The following ROBO1 variants were observed in gnomAD, a reference collection of about 807,000 sequenced individuals.
ROBO1 encodes the protein roundabout guidance receptor 1, also known as roundabout homolog 1.
In ROBO1, 149 loss-of-function variants were observed where a neutral mutation model predicts 195.9. The ratio of observed to expected loss-of-function variants is 0.76; its 90% CI spans 0.67 to 0.87. ROBO1 has a LOEUF of 0.87. ROBO1 is among the 40% of genes least tolerant of loss of function. The pLI is 0.00. For synonymous variants in ROBO1, 816 were observed against 733.2 expected (o/e 1.11, Z -1.82); for missense variants, 1,933 against 2,068.3 (o/e 0.93, Z 1.27).
chr3:79,407,830 C>T (rs1368976960), intron 2 of ROBO1, among the ~76,000 whole-genome samples: 1 of 151,694 alleles, frequency 6.6e-6, no homozygotes, highest in Non-Finnish European at 1.5e-5. Flanking sequence ...TTTTACAGAC[C>T]AAAATAAAAT....
chr3:78,922,849 C>G (rs1443616731), intron 4 of ROBO1, among the ~76,000 whole-genome samples: 1 of 152,050 alleles, frequency 6.6e-6, no homozygotes, highest in African/African-American at 2.4e-5. Flanking sequence ...CCACCCGCCT[C>G]TGCCTCCCAA....
intron 2 of ROBO1, among the ~76,000 whole-genome samples, chr3:79,406,296 T>C (rs1479770772): frequency 6.6e-6 from 1 of 150,652 alleles, no homozygotes; most frequent in Non-Finnish European, 1.5e-5. Context: ...GGCATGATGG[T>C]ACATGTCCGT....
intron 2 of ROBO1, among the ~76,000 whole-genome samples, chr3:79,308,568 A>G (rs2033333252): frequency 6.6e-6 from 1 of 152,158 alleles, no homozygotes; most frequent in Admixed American, 6.6e-5. Flanking sequence ...TATATTACTC[A>G]TGGAGAGAAA....
intron 2 of ROBO1, among the ~76,000 whole-genome samples, chr3:79,501,464 A>G (rs1940065978): frequency 6.6e-6 from 1 of 152,142 alleles, no homozygotes; most frequent in South Asian, 2.1e-4. Context: ...ATGACTACTA[A>G]AGCTAGTAAT....
rs140843632 is a variant in ROBO1 at position 79,649,754 on chromosome 3, A to G, written c.-50-59793T>C. ...ATGAGTCTGACTAGACTAGGCGGGA[A>G]TAATCTACCCTTAATGAACATGGGC... On this transcript the variant is annotated intron_variant, in intron 1 of 30. Transcript: ENST00000464233. 2.9e-4 allele frequency among the ~76,000 whole-genome samples: 44 copies of G among 152,176 alleles called. 1 individual carries two copies. The East Asian group carries it at 8.5e-3, about 30-fold the overall frequency.
chr3:79,600,352 G>T (rs1477361759), intron 1 of ROBO1, among the ~76,000 whole-genome samples: 1 of 151,958 alleles, frequency 6.6e-6, no homozygotes, highest in Non-Finnish European at 1.5e-5. Context: ...ACATTGGTTT[G>T]GTCGAAGAGA....
intron 5 of ROBO1, among the ~76,000 whole-genome samples, chr3:78,741,601 A>C (rs1376127321): frequency 7.2e-5 from 11 of 152,152 alleles, no homozygotes. Context: ...TTGAACTTAA[A>C]TGCAATATTT....
intron 1 of ROBO1, among the ~76,000 whole-genome samples, chr3:79,752,863 G>A (rs546601037): frequency 1.3e-5 from 2 of 152,064 alleles, no homozygotes; most frequent in South Asian, 4.2e-4. Flanking sequence ...TAAAAATGAG[G>A]GATCATCAAC....
chr3:79,577,738 ACACACACACACACACACACAC>A (rs1278380409), intron 2 of ROBO1, among the ~76,000 whole-genome samples: 34 of 117,182 alleles, frequency 2.9e-4, no homozygotes, highest in South Asian at 2.2e-3. Context: ...ACACACACAC[ACACACACACACACACACACAC>A]AAAATTGCTG....
At chr3:79,283,202 G>GTAC (rs1197326412) in intron 2 of ROBO1, among the ~76,000 whole-genome samples, 10 of 152,154 alleles carry the variant, frequency 6.6e-5, no homozygotes, top group Non-Finnish European at 1.5e-4. Context: ...GGGACACTAA[G>GTAC]TACTGAGTAC....
At position 79,297,718 on chromosome 3, in the gene ROBO1, G is replaced by A. The variant is rs1469911876; in HGVS notation, c.89-172179C>T. Among the ~76,000 whole-genome samples, 5 of 152,076 alleles carry A rather than the reference G, an allele frequency of 3.3e-5. No homozygotes were observed. In the East Asian group the frequency reaches 9.6e-4, roughly 29 times the overall value. On this transcript the variant is annotated intron_variant, in intron 2 of 30. Transcript: ENST00000464233. ...AAAAAGAAATTGTTCTAAATATTCTGACATATTTCTTTTATTGAAATATGG... is the reference window on the plus strand; with the variant it reads ...AAAAAGAAATTGTTCTAAATATTCTAACATATTTCTTTTATTGAAATATGG...
chr3:79,113,348 G>C (rs1181327252), intron 3 of ROBO1, among the ~76,000 whole-genome samples: 1 of 151,712 alleles, frequency 6.6e-6, no homozygotes, highest in Admixed American at 6.6e-5. Context: ...TCAGCAATTG[G>C]CAAAATAACA....
Position 78,671,663 on chromosome 3 carries a change from C to G in ROBO1, c.1343-1362G>C, listed in dbSNP as rs533466390. Among the ~76,000 whole-genome samples the G allele has an allele frequency of 3.9e-5, 6 of 151,936 alleles. No homozygotes were observed. In the South Asian group the frequency reaches 1.2e-3, roughly 32 times the overall value. On this transcript the variant is annotated intron_variant, in intron 10 of 30. Transcript: ENST00000464233. ...AAATCAGCAGCTGTGCATTTCCACT[C>G]TACTCTTCCAATTCTCTTCTTTGTC...
intron 26 of ROBO1, among the ~76,000 whole-genome samples, chr3:78,621,692 T>C (rs62260384): frequency 0.011 from 1,688 of 152,286 alleles, 13 homozygotes; most frequent in Middle Eastern, 0.02. Context: ...ACCCTCTAGA[T>C]TTCTCCCCGA....
intron 8 of ROBO1, among the ~76,000 whole-genome samples, chr3:78,701,841 C>T (rs1235725577): frequency 6.6e-6 from 1 of 152,156 alleles, no homozygotes; most frequent in Non-Finnish European, 1.5e-5. Context: ...TTTTCCTACT[C>T]TCATAAATCT....
chr3:79,486,467 T>C (rs1939166092), intron 2 of ROBO1, among the ~76,000 whole-genome samples: 2 of 152,302 alleles, frequency 1.3e-5, no homozygotes, highest in African/African-American at 2.4e-5. Flanking sequence ...TGATCTATTG[T>C]AGTTACTTGC....
chr3:79,756,442 A>AG (rs1045103669), intron 1 of ROBO1, among the ~76,000 whole-genome samples: 1 of 150,640 alleles, frequency 6.6e-6, no homozygotes, highest in African/African-American at 2.5e-5. Flanking sequence ...CCAGCTACTC[A>AG]GGGGGCGGAG....
At chr3:78,666,467 A>G (rs1055628732) in intron 14 of ROBO1, among the ~76,000 whole-genome samples, 1 of 152,216 alleles carries the variant, frequency 6.6e-6, no homozygotes, top group Non-Finnish European at 1.5e-5. Context: ...CCTTTCAGTT[A>G]GAGTCTACTG....
chr3:79,427,908 G>A (rs956066330), intron 2 of ROBO1, among the ~76,000 whole-genome samples: 14 of 152,058 alleles, frequency 9.2e-5, no homozygotes, highest in African/African-American at 3.4e-4. Flanking sequence ...AATACCCCAT[G>A]ATCACGGGCA....
Sources: gnomAD v4.1 joint callset for allele counts (sites outside exome capture counted in the v4.1 genomes callset) on GRCh38, gnomAD v4.1.1 for gene constraint, MANE v1.5 for transcripts, NCBI Gene and HGNC (gene_info 2026-07-23, HGNC 2026-07-21) for gene names.